The following AUTS2 variants were observed in gnomAD, a reference collection of about 807,000 sequenced individuals.
AUTS2 encodes autism susceptibility gene 2 protein.
In AUTS2, 17 loss-of-function variants were observed where a neutral mutation model predicts 112.4. The ratio of observed to expected loss-of-function variants is 0.15; its 90% CI spans 0.10 to 0.23. The LOEUF (loss-of-function observed/expected upper bound fraction) is 0.23. Ranked by LOEUF, AUTS2 falls within the 10% of genes least tolerant of loss-of-function variation. The pLI is 1.00. For missense variants in AUTS2, 1,510 were observed against 1,701.6 expected (o/e 0.89, Z 1.98); for synonymous variants, 751 against 702.7 (o/e 1.07, Z -1.09).
chr7:69,918,266 C>T (rs1012063952), intron 2 of AUTS2, among the ~76,000 whole-genome samples: 5 of 152,092 alleles, frequency 3.3e-5, no homozygotes, highest in South Asian at 2.1e-4. Context: ...TTGGTGGTTT[C>T]GTTCAAAAAC....
intron 4 of AUTS2, among the ~76,000 whole-genome samples, chr7:70,360,616 C>G (rs1177123450): frequency 6.6e-6 from 1 of 152,142 alleles, no homozygotes; most frequent in Non-Finnish European, 1.5e-5. Context: ...AGTTGGGCAG[C>G]GGGACTAATT....
intron 1 of AUTS2, among the ~76,000 whole-genome samples, chr7:69,888,554 T>C (rs1794380416): frequency 6.9e-6 from 1 of 144,042 alleles, no homozygotes; most frequent in Admixed American, 6.9e-5. Flanking sequence ...TATATATATA[T>C]ATATATATAT....
At chr7:70,305,317 G>C (rs1441823939) in intron 4 of AUTS2, among the ~76,000 whole-genome samples, 2 of 151,950 alleles carry the variant, frequency 1.3e-5, no homozygotes, top group Non-Finnish European at 2.9e-5. Context: ...GTTGCCACCA[G>C]TGATATATGA....
intron 6 of AUTS2, among the ~76,000 whole-genome samples, chr7:70,755,808 CAAT>C (rs999754781): frequency 1.3e-5 from 2 of 151,846 alleles, no homozygotes; most frequent in African/African-American, 4.8e-5. Context: ...TTTACTTTAA[CAAT>C]AATAATACTC....
In AUTS2 at chr7:69,614,314, C is replaced by CTCTTTCTTTCTTTCTTTCTTTCTTTCTT. The variant is rs763131370; in HGVS notation, c.309+14378_309+14405dup. ...ACTTCTCTCAAGAGTCACTCTCCGT[C>CTCTTTCTTTCTTTCTTTCTTTCTTTCTT]TCTTTCTTTCTTTCTTTCTTTCTTT... On this transcript the variant is annotated intron_variant, in intron 1 of 18. Transcript: ENST00000342771. Among the ~76,000 whole-genome samples the CTCTTTCTTTCTTTCTTTCTTTCTTTCTT allele has an allele frequency of 1.2e-3, 103 of 83,394 alleles. 3 individuals are homozygous for CTCTTTCTTTCTTTCTTTCTTTCTTTCTT. The highest frequency in any genetic ancestry group is 2.1e-3 in the East Asian group (5 of 2,334). 54.7% of individuals were successfully genotyped at this position (83,394 alleles called of 152,430 possible).
chr7:69,599,596 T>G lies in AUTS2; in HGVS notation c.-58T>G. On this transcript the variant is annotated 5_prime_UTR_variant, in exon 1 of 19. Transcript: ENST00000342771. The surrounding 1 kb of genome is among the most constrained non-coding windows in gnomAD (Gnocchi z 7.0). ...AGGGCTCGGTGTCAATTTTTTTTTG[T>G]GTGGCTGCGGCCGTAGCCTGTGGCG... 1 of 1,243,884 alleles carries G rather than the reference T, an allele frequency of 8.0e-7. No individual in the cohort carries two copies. Among genetic ancestry groups the G allele is most frequent in the Non-Finnish European group, 1.0e-6 (1 of 994,280 alleles). 77.1% of individuals were successfully genotyped at this position (1,243,884 alleles called of 1,614,324 possible).
chr7:70,313,980 C>T (rs1193660173), intron 4 of AUTS2, among the ~76,000 whole-genome samples: 2 of 152,140 alleles, frequency 1.3e-5, no homozygotes, highest in Non-Finnish European at 2.9e-5. Context: ...ATAGTAGGAG[C>T]GATGGTTCAG....
At chr7:70,569,194 C>T (rs1464478055) in intron 5 of AUTS2, among the ~76,000 whole-genome samples, 1 of 152,158 alleles carries the variant, frequency 6.6e-6, no homozygotes, top group Non-Finnish European at 1.5e-5. Flanking sequence ...CTGGCGGTCC[C>T]CATGGACTGT....
At chr7:70,626,931 T>C (rs1333112722) in intron 5 of AUTS2, among the ~76,000 whole-genome samples, 2 of 152,218 alleles carry the variant, frequency 1.3e-5, no homozygotes, top group Non-Finnish European at 1.5e-5. Context: ...GGCACCTAGG[T>C]TGATTCTGTG....
intron 2 of AUTS2, among the ~76,000 whole-genome samples, chr7:70,116,320 G>A (rs1158705876): frequency 1.3e-5 from 2 of 152,146 alleles, no homozygotes; most frequent in Non-Finnish European, 2.9e-5. Context: ...AAAAAAGAAT[G>A]CCTTGTTTTG....
intron 5 of AUTS2, among the ~76,000 whole-genome samples, chr7:70,562,542 C>T (rs532221464): frequency 2.0e-5 from 3 of 152,330 alleles, no homozygotes; most frequent in South Asian, 2.1e-4. Context: ...TATGTCACCA[C>T]TGTTTCATTT....
chr7:70,619,807 A>G (rs1479027579), intron 5 of AUTS2, among the ~76,000 whole-genome samples: 1 of 152,118 alleles, frequency 6.6e-6, no homozygotes, highest in African/African-American at 2.4e-5. Context: ...CCCCCATGCT[A>G]TCACTGTCTC....
At chr7:69,779,763 CAAAAAAAAAAAAAAA>C (rs767635631) in intron 1 of AUTS2, among the ~76,000 whole-genome samples, 1 of 66,838 alleles carries the variant, frequency 1.5e-5, no homozygotes, top group Non-Finnish European at 3.2e-5. Flanking sequence ...GACTCCATCT[CAAAAAAAAAAAAAAA>C]AATTAAAAAA....
chr7:69,603,860 GA>G (rs1420223802), intron 1 of AUTS2, among the ~76,000 whole-genome samples: 2 of 152,292 alleles, frequency 1.3e-5, no homozygotes, highest in East Asian at 3.9e-4. Context: ...AGTGTGTCCT[GA>G]TGTGTTAGAT....
intron 1 of AUTS2, among the ~76,000 whole-genome samples, chr7:69,736,975 A>G (rs1484638426): frequency 6.6e-6 from 1 of 152,162 alleles, no homozygotes; most frequent in East Asian, 1.9e-4. Context: ...AAAAAAATCC[A>G]GATTTAGGGT....
intron 5 of AUTS2, among the ~76,000 whole-genome samples, chr7:70,545,936 G>T (rs961285487): frequency 6.6e-6 from 1 of 152,280 alleles, no homozygotes; most frequent in East Asian, 1.9e-4. Context: ...GGAAATGGTT[G>T]CACAGGAGTT....
At chr7:69,861,254 C>T (rs1343831289) in intron 1 of AUTS2, among the ~76,000 whole-genome samples, 1 of 152,168 alleles carries the variant, frequency 6.6e-6, no homozygotes, top group Non-Finnish European at 1.5e-5. Context: ...TTGAAGGACC[C>T]ATAAATGGAT....
At chr7:69,779,515 G>T (rs1027341534) in intron 1 of AUTS2, among the ~76,000 whole-genome samples, 2 of 152,028 alleles carry the variant, frequency 1.3e-5, no homozygotes, top group Non-Finnish European at 2.9e-5. Flanking sequence ...TGTAATCCCA[G>T]CACTTTGGAA....
At chr7:70,173,468 TG>T (rs1808818470) in intron 4 of AUTS2, among the ~76,000 whole-genome samples, 1 of 152,070 alleles carries the variant, frequency 6.6e-6, no homozygotes, top group African/African-American at 2.4e-5. Context: ...TGGCATTAAT[TG>T]GGGGACAGAA....
Sources: gnomAD v4.1 joint callset for allele counts (sites outside exome capture counted in the v4.1 genomes callset) on GRCh38, gnomAD v4.1.1 for gene constraint, Gnocchi (gnomAD v3.1) non-coding constraint, MANE v1.5 for transcripts, NCBI Gene and HGNC (gene_info 2026-07-23, HGNC 2026-07-21) for gene names.